PDE4D: variants seen among roughly 807,000 people sequenced by gnomAD.
The protein encoded by PDE4D is 3',5'-cyclic-AMP phosphodiesterase 4D.
PDE4D carries 24 observed loss-of-function variants against 87.4 expected under a neutral mutation model. The ratio of observed to expected loss-of-function variants is 0.27; its 90% CI spans 0.20 to 0.39. The LOEUF is 0.39. Ranked by LOEUF, PDE4D falls within the 10% of genes least tolerant of loss-of-function variation. The pLI is 1.00. For synonymous variants in PDE4D, 384 were observed against 383.2 expected (o/e 1.00, Z -0.02); for missense variants, 714 against 1,041.0 (o/e 0.69, Z 4.32).
At chr5:59,275,725 C>T in intron 1 of PDE4D, 1 of 1,048,922 alleles carries the variant, frequency 9.5e-7, no homozygotes, top group Non-Finnish European at 1.1e-6. Context: ...GGGAAACCAG[C>T]ATAGTGAAAG....
intron 5 of PDE4D, among the ~76,000 whole-genome samples, chr5:59,148,135 C>A (rs964609297): frequency 6.6e-6 from 1 of 152,032 alleles, no homozygotes; most frequent in Non-Finnish European, 1.5e-5. Context: ...TGAAGGTAAC[C>A]CATCCTCAGC....
chr5:60,273,934 G>T (rs1282217929), intron 1 of PDE4D, among the ~76,000 whole-genome samples: 2 of 152,140 alleles, frequency 1.3e-5, no homozygotes. Flanking sequence ...TGTTTCTTGG[G>T]AACACTGGAA....
At chr5:59,342,027 C>T (rs244574) in intron 1 of PDE4D, among the ~76,000 whole-genome samples, 51,632 of 151,940 alleles carry the variant, frequency 0.34, 9,959 homozygotes, top group South Asian at 0.45. Flanking sequence ...AAATGTCATA[C>T]AAGCTGCAAG....
chr5:60,303,313 T>C (rs1168581837), intron 1 of PDE4D, among the ~76,000 whole-genome samples: 4 of 150,304 alleles, frequency 2.7e-5, no homozygotes, highest in East Asian at 1.9e-4. Context: ...ATTTCTTTTT[T>C]TTTTTTTTTT....
At chr5:59,185,679 A>C (rs1448167365) in intron 3 of PDE4D, among the ~76,000 whole-genome samples, 1 of 152,232 alleles carries the variant, frequency 6.6e-6, no homozygotes. Context: ...GAAGAATCTC[A>C]TAATAATAAG....
At chr5:60,042,519 G>A (rs1310283993) in intron 2 of PDE4D, among the ~76,000 whole-genome samples, 1 of 152,168 alleles carries the variant, frequency 6.6e-6, no homozygotes, top group Non-Finnish European at 1.5e-5. Context: ...TCCCAGCAGG[G>A]GTCGACAGAC....
intron 1 of PDE4D, among the ~76,000 whole-genome samples, chr5:60,261,616 A>G (rs2149704755): frequency 6.6e-6 from 1 of 152,268 alleles, no homozygotes; most frequent in East Asian, 1.9e-4. Flanking sequence ...ACTTTTGCTC[A>G]TAATGAAAGA....
chr5:59,612,967 A>G (rs295970), intron 1 of PDE4D, among the ~76,000 whole-genome samples: 131,251 of 152,118 alleles, frequency 0.86, 56,683 homozygotes, highest in South Asian at 0.93. Context: ...TTTCATTTTG[A>G]GGAAAATCAG....
At chr5:59,806,927 G>A (rs535910429) in intron 1 of PDE4D, among the ~76,000 whole-genome samples, 8 of 152,160 alleles carry the variant, frequency 5.3e-5, no homozygotes, top group Non-Finnish European at 1.2e-4. Flanking sequence ...CTTTAAATAC[G>A]ATTTGAAATC....
intron 3 of PDE4D, among the ~76,000 whole-genome samples, chr5:59,958,015 A>T (rs576661421): frequency 6.6e-6 from 1 of 152,162 alleles, no homozygotes; most frequent in South Asian, 2.1e-4. Flanking sequence ...TAAATAGACA[A>T]ATTAGAGCCT....
chr5:60,224,757 A>G (rs1301865413), intron 1 of PDE4D, among the ~76,000 whole-genome samples: 4 of 152,124 alleles, frequency 2.6e-5, no homozygotes, highest in African/African-American at 4.8e-5. Context: ...CTATTCATCA[A>G]TTAAGCCACC....
intron 1 of PDE4D, among the ~76,000 whole-genome samples, chr5:59,546,111 T>A (rs1481061924): frequency 2.0e-5 from 3 of 152,178 alleles, no homozygotes; most frequent in Admixed American, 2.0e-4. Flanking sequence ...AATTTAGCTA[T>A]GACAATGCCA....
At chr5:59,521,561 T>C (rs1050783975) in intron 1 of PDE4D, among the ~76,000 whole-genome samples, 1 of 152,196 alleles carries the variant, frequency 6.6e-6, no homozygotes, top group African/African-American at 2.4e-5. Context: ...ACCATTCTTC[T>C]CCCAGCCAAT....
At chr5:59,251,672 C>G (rs1183714225) in intron 1 of PDE4D, among the ~76,000 whole-genome samples, 1 of 152,134 alleles carries the variant, frequency 6.6e-6, no homozygotes, top group Non-Finnish European at 1.5e-5. Context: ...AATCCTATTA[C>G]TGGGCATATT....
intron 1 of PDE4D, among the ~76,000 whole-genome samples, chr5:59,452,900 A>G (rs912827205): frequency 2.6e-5 from 4 of 151,988 alleles, no homozygotes; most frequent in African/African-American, 7.2e-5. Flanking sequence ...AAAGTGACTG[A>G]AACAGGCATA....
At chr5:59,762,870 TATATATATATATATATATATATA>T (rs1248796426) in intron 1 of PDE4D, among the ~76,000 whole-genome samples, 1 of 129,778 alleles carries the variant, frequency 7.7e-6, no homozygotes, top group Non-Finnish European at 1.7e-5. Flanking sequence ...TATATATATA[TATATATATATATATATATATATA>T]GCTTGCTCTT....
chr5:59,780,880 T>C (rs1260807775), intron 1 of PDE4D, among the ~76,000 whole-genome samples: 1 of 152,026 alleles, frequency 6.6e-6, no homozygotes, highest in Non-Finnish European at 1.5e-5. Flanking sequence ...CTAAAAGCGA[T>C]GGTGAGCTGA....
intron 1 of PDE4D, among the ~76,000 whole-genome samples, chr5:60,496,040 A>G (rs914291109): frequency 1.3e-5 from 2 of 152,118 alleles, no homozygotes; most frequent in African/African-American, 4.8e-5. Context: ...GTGAATCCCA[A>G]ACCTGACTGG....
chr5:59,235,890 AAAC>A (rs1756309820), intron 1 of PDE4D, among the ~76,000 whole-genome samples: 1 of 152,228 alleles, frequency 6.6e-6, no homozygotes, highest in Admixed American at 6.5e-5. Context: ...GAGATACAGA[AAAC>A]AACTATCTGG....
Sources: allele counts gnomAD v4.1 joint callset (sites outside exome capture counted in the v4.1 genomes callset), GRCh38; gene constraint gnomAD v4.1.1; transcripts MANE v1.5; gene names NCBI Gene and HGNC (gene_info 2026-07-23, HGNC 2026-07-21).